The following KHDRBS2 variants were observed in gnomAD, a reference collection of about 807,000 sequenced individuals.
KHDRBS2 encodes KH RNA binding domain containing, signal transduction associated 2, also known as KH domain-containing, RNA-binding, signal transduction-associated protein 2.
KHDRBS2 carries 26 observed loss-of-function variants against 44.3 expected under a neutral mutation model. The observed-to-expected ratio is 0.59, with a 90% CI of 0.43 to 0.81. The LOEUF (loss-of-function observed/expected upper bound fraction) is 0.81, where lower values mean the gene tolerates loss of function less well. Ranked by LOEUF, KHDRBS2 falls within the 40% of genes least tolerant of loss-of-function variation. The pLI is 0.00. For synonymous variants in KHDRBS2, 194 were observed against 151.1 expected (o/e 1.28, Z -2.08); for missense variants, 476 against 433.1 (o/e 1.10, Z -0.88).
At chr6:61,955,899 C>G (rs1038345018) in intron 4 of KHDRBS2, among the ~76,000 whole-genome samples, 2 of 151,972 alleles carry the variant, frequency 1.3e-5, no homozygotes, top group Non-Finnish European at 2.9e-5. Flanking sequence ...AGCTGAGACA[C>G]AAATAAGTTA....
chr6:61,919,041 G>A (rs1807542968), intron 4 of KHDRBS2, among the ~76,000 whole-genome samples: 1 of 151,798 alleles, frequency 6.6e-6, no homozygotes, highest in African/African-American at 2.4e-5. Context: ...CCCCACTTCT[G>A]GAGATTTGAA....
intron 7 of KHDRBS2, 95 bp from the exon 8 acceptor site, chr6:61,697,348 T>A (rs1768019188): frequency 3.8e-6 from 3 of 783,956 alleles, no homozygotes; most frequent in Admixed American, 3.6e-5. Context: ...TGTGCTGAGG[T>A]AATATTCCAG....
chr6:61,909,070 ATT>A (rs201610192), intron 4 of KHDRBS2, among the ~76,000 whole-genome samples: 2 of 145,312 alleles, frequency 1.4e-5, no homozygotes, highest in Non-Finnish European at 1.5e-5. Context: ...TCATATATAG[ATT>A]TTTTTTTTTT....
chr6:62,143,755 G>C (rs1273073069), intron 2 of KHDRBS2, among the ~76,000 whole-genome samples: 1 of 151,852 alleles, frequency 6.6e-6, no homozygotes, highest in Non-Finnish European at 1.5e-5. Context: ...AAGAGTCTGA[G>C]TAGTGCAGAG....
intron 4 of KHDRBS2, among the ~76,000 whole-genome samples, chr6:61,965,774 G>A (rs1312656955): frequency 6.6e-6 from 1 of 151,940 alleles, no homozygotes; most frequent in Non-Finnish European, 1.5e-5. Context: ...TCTTGCAGAG[G>A]AGAGTAGAGA....
At chr6:61,558,703 T>G in the KHDRBS2 span, among the ~76,000 whole-genome samples, 1 of 152,224 alleles carries the variant, frequency 6.6e-6, no homozygotes, top group African/African-American at 2.4e-5. Flanking sequence ...ATATTTTTAA[T>G]TTCCATTTGT....
chr6:62,029,610 A>G (rs1167103821), intron 3 of KHDRBS2, among the ~76,000 whole-genome samples: 5 of 151,984 alleles, frequency 3.3e-5, no homozygotes, highest in Non-Finnish European at 1.5e-5. Context: ...TTTATTCTCC[A>G]TTACGTAAAA....
intron 4 of KHDRBS2, among the ~76,000 whole-genome samples, chr6:61,924,611 G>GTA (rs1352879304): frequency 6.6e-6 from 1 of 151,060 alleles, no homozygotes; most frequent in Admixed American, 6.6e-5. Context: ...TTTTATCATT[G>GTA]TATAGATAAT....
At chr6:61,841,992 C>G (rs1016291559) in intron 6 of KHDRBS2, among the ~76,000 whole-genome samples, 7 of 152,128 alleles carry the variant, frequency 4.6e-5, no homozygotes, top group Admixed American at 1.3e-4. Flanking sequence ...CACTTTTGTT[C>G]CTTCCTCAGT....
chr6:62,235,687 C>T (rs1406697188), intron 1 of KHDRBS2, among the ~76,000 whole-genome samples: 2 of 151,996 alleles, frequency 1.3e-5, no homozygotes, highest in Non-Finnish European at 2.9e-5. Context: ...GAAAAACATT[C>T]TGAGTCCATT....
the KHDRBS2 span, among the ~76,000 whole-genome samples, chr6:61,664,846 T>C: frequency 6.6e-6 from 1 of 151,690 alleles, no homozygotes; most frequent in South Asian, 2.1e-4. Flanking sequence ...TTGATTAGTT[T>C]AGCACTATAG....
At chr6:62,013,011 C>T (rs1780578941) in intron 3 of KHDRBS2, among the ~76,000 whole-genome samples, 1 of 152,132 alleles carries the variant, frequency 6.6e-6, no homozygotes, top group African/African-American at 2.4e-5. Context: ...TGCAGTGACA[C>T]TGAGAGGAGG....
the KHDRBS2 span, among the ~76,000 whole-genome samples, chr6:61,636,383 C>A: frequency 6.6e-6 from 1 of 152,036 alleles, no homozygotes; most frequent in East Asian, 1.9e-4. Flanking sequence ...TGGAGTTTAG[C>A]CACCTTCTCT....
intron 3 of KHDRBS2, among the ~76,000 whole-genome samples, chr6:61,979,636 C>A (rs9351578): frequency 0.18 from 27,690 of 152,056 alleles, 2,887 homozygotes; most frequent in African/African-American, 0.27. Context: ...GCCTGGAAAT[C>A]CATTCTTCAC....
At chr6:62,045,806 A>C (rs1787543879) in intron 3 of KHDRBS2, among the ~76,000 whole-genome samples, 1 of 151,912 alleles carries the variant, frequency 6.6e-6, no homozygotes, top group Non-Finnish European at 1.5e-5. Context: ...CATAATCAAT[A>C]ATTTACCAAG....
chr6:61,780,134 C>T (rs1438554318), intron 6 of KHDRBS2, among the ~76,000 whole-genome samples: 2 of 152,160 alleles, frequency 1.3e-5, no homozygotes, highest in East Asian at 3.8e-4. Flanking sequence ...TGAATAATTA[C>T]ATTCAGTTAT....
the KHDRBS2 span, among the ~76,000 whole-genome samples, chr6:61,618,032 T>C: frequency 6.6e-6 from 1 of 152,330 alleles, no homozygotes; most frequent in South Asian, 2.1e-4. Context: ...TGATACAAAT[T>C]TTTAAAATAT....
intron 6 of KHDRBS2, among the ~76,000 whole-genome samples, chr6:61,893,839 G>C (rs1802439163): frequency 6.6e-6 from 1 of 151,908 alleles, no homozygotes; most frequent in African/African-American, 2.4e-5. Flanking sequence ...CATGGCATAT[G>C]TAAACATATG....
chr6:62,090,614 G>T (rs2880869), intron 2 of KHDRBS2, among the ~76,000 whole-genome samples: 40,393 of 151,356 alleles, frequency 0.27, 5,780 homozygotes, highest in East Asian at 0.41. Context: ...CTGAGCACCA[G>T]TCATGCATGA....
Sources: allele counts gnomAD v4.1 joint callset (sites outside exome capture counted in the v4.1 genomes callset), GRCh38; gene constraint gnomAD v4.1.1; transcripts MANE v1.5; gene names NCBI Gene and HGNC (gene_info 2026-07-23, HGNC 2026-07-21).